SEC16B: variants seen among roughly 807,000 people sequenced by gnomAD.
SEC16B encodes the protein SEC16 homolog B, endoplasmic reticulum export factor.
Under a neutral mutation model 141.8 loss-of-function variants are expected in SEC16B, and 115 were observed. That is an observed-to-expected ratio of 0.81 (90% CI 0.70 to 0.95). The LOEUF (loss-of-function observed/expected upper bound fraction) is 0.95. Ranked by LOEUF, SEC16B falls within the 40% of genes least tolerant of loss-of-function variation. SEC16B has a pLI of 0.00. For synonymous variants in SEC16B, 493 were observed against 492.5 expected, an observed-to-expected ratio of 1.00 and a Z score of -0.01; for missense variants, 1,291 against 1,312.3, an observed-to-expected ratio of 0.98 and a Z score of 0.25.
rs1353655354 is a variant in SEC16B at position 177,951,936 on chromosome 1, C to T, written c.1523G>A (p.Gly508Glu). 1 of 1,606,232 alleles carries T rather than the reference C, an allele frequency of 6.2e-7. No homozygotes were observed. The highest frequency in any genetic ancestry group is 8.5e-7 in the Non-Finnish European group (1 of 1,176,768). ...PLQTLFQLMS[G>E]RIPQAATCCG... ...TACCGTGGCTGCCTGTGGAATCCTCCCCGACATGAGCTGGAAGAGGGTCTG... is the reference window on the plus strand; with the variant it reads ...TACCGTGGCTGCCTGTGGAATCCTCTCCGACATGAGCTGGAAGAGGGTCTG... The change falls in exon 12 of 26, where the codon GGG becomes GAG. Residue 508 changes from glycine to glutamate, a missense_variant. By Grantham distance (98) the Gly-to-Glu change is moderately conservative. Coordinates refer to ENST00000308284, the MANE Select transcript of SEC16B (RefSeq NM_033127.4).
At position 177,933,632 on chromosome 1, in the gene SEC16B, G is replaced by A; in HGVS notation, c.2576C>T (p.Pro859Leu). The A allele has an allele frequency of 6.2e-7, 1 of 1,613,852 alleles. No homozygotes were observed. Among genetic ancestry groups the A allele is most frequent in the Non-Finnish European group, 8.5e-7 (1 of 1,179,778 alleles). The stretch of plus-strand genomic sequence containing the variant: ...AATACTTCGTGGTCTAGCAGCCAAT[G>A]GTGTCTGGAATTAAAGAAATAACTC... Reference protein sequence around the residue: ...GQEVISKPQTPLAARPRSISE... With the variant: ...GQEVISKPQTLLAARPRSISE... The change falls in exon 21 of 26, where the codon CCA (proline) becomes CTA (leucine). Residue 859 changes from proline (P) to leucine (L), a missense_variant. This residue lies in a region of SEC16B where 605 missense variants were observed against 614.1 expected (regional missense o/e 0.99). Transcript: ENST00000308284.
upstream of SEC16B, among the ~76,000 whole-genome samples, chr1:177,974,117 T>C (rs1196409440): frequency 1.4e-5 from 2 of 138,182 alleles, no homozygotes; most frequent in African/African-American, 5.9e-5. Flanking sequence ...GGAGATGAAA[T>C]GCTACCTTTT....
chr1:177,965,769 C>T (rs1653466857), intron 3 of SEC16B, 124 bp downstream of exon 3: 5 of 604,784 alleles, frequency 8.3e-6, no homozygotes, highest in East Asian at 2.8e-5. Context: ...GCTATGGTCT[C>T]GTCTGGCCAA....
rs756650216 is a variant in SEC16B at position 177,965,109 on chromosome 1, A to G, written c.471T>C (p.Leu157=). The G allele has an allele frequency of 4.3e-6, 7 of 1,613,660 alleles. No homozygotes were observed. The East Asian group carries it at 8.9e-5, about 21-fold the overall frequency. ...GCTGGTTTTCATAATGATGTTCATC[A>G]AGGTACTTTTGCTCTCGGTAATCTT... is the stretch of plus-strand genomic sequence containing the variant. The part of the protein sequence containing the change: ...WHEDYREQKY[L]DEHHYENQHS... Residue 157 remains leucine (L), a synonymous_variant, in exon 4 of 26, where the codon CTT becomes CTC. Coordinates refer to ENST00000308284, the MANE Select transcript of SEC16B (RefSeq NM_033127.4).
chr1:177,955,695 G>A (rs190902556), intron 10 of SEC16B, among the ~76,000 whole-genome samples: 49 of 152,212 alleles, frequency 3.2e-4, no homozygotes, highest in African/African-American at 1.1e-3. Context: ...ACACTGTGGT[G>A]AGAATGTATG....
chr1:177,952,011 T>C lies in SEC16B; in HGVS notation c.1464-16A>G, dbSNP rs1652231431. 7.6e-6 allele frequency: 12 copies of C among 1,586,776 alleles called. No homozygotes were observed. Among genetic ancestry groups the C allele is most frequent in the Non-Finnish European group, 1.0e-5 (12 of 1,166,514 alleles). The stretch of plus-strand genomic sequence containing the variant: ...GCTGGTGAAGCTGCGGAGAGAAGGA[T>C]AGTCAGCGAGGACCAAGCCCAGGGA... On this transcript the variant is annotated splice_polypyrimidine_tract_variant and intron_variant, in intron 11 of 25. Transcript: ENST00000308284.
chr1:177,958,525 C>T, intron 9 of SEC16B, 163 bp from the exon 10 acceptor site: 1 of 607,272 alleles, frequency 1.6e-6, no homozygotes, highest in South Asian at 2.5e-5. Flanking sequence ...CAGACTTCAG[C>T]ATCACTATCA....
chr1:177,966,751 T>C (rs1458646341), intron 2 of SEC16B, among the ~76,000 whole-genome samples: 1 of 152,058 alleles, frequency 6.6e-6, no homozygotes, highest in African/African-American at 2.4e-5. Context: ...TGTTTTGTAT[T>C]TTTAGTAGAG....
intron 12 of SEC16B, chr1:177,948,625 C>T (rs1392881790): frequency 7.7e-7 from 1 of 1,300,840 alleles, no homozygotes; most frequent in Non-Finnish European, 1.0e-6. Context: ...CACAATCTCT[C>T]CCTAAGGCTG....
In SEC16B at chr1:177,928,848, T is replaced by C. The variant is rs1207793200; in HGVS notation, c.*1010A>G. The stretch of plus-strand genomic sequence containing the variant: ...ATATCAGAACTATAGAACATTAACG[T>C]ACTAAACCTGTATTTACAATTACAT... On this transcript the variant is annotated 3_prime_UTR_variant, in exon 26 of 26. Coordinates refer to ENST00000308284, the MANE Select transcript of SEC16B (RefSeq NM_033127.4). The C allele has an allele frequency of 6.6e-6, 1 of 152,206 alleles. No individual in the cohort carries two copies. Among genetic ancestry groups the C allele is most frequent in the African/African-American group, 2.4e-5 (1 of 41,442 alleles). 9.4% of individuals were successfully genotyped at this position (152,206 alleles called of 1,614,324 possible). A position where few individuals can be genotyped will look rare whatever the true frequency, so the allele number is the denominator to read the frequency against.
chr1:177,960,057 C>T lies in SEC16B; in HGVS notation c.998+285G>A, dbSNP rs1652934505. The T allele has an allele frequency of 3.4e-5, 14 of 412,206 alleles. No homozygotes were observed. The South Asian group carries it at 4.1e-4, about 12-fold the overall frequency. The allele number at this position is 412,206 out of a possible 1,614,324, so 25.5% of individuals were successfully genotyped here. On this transcript the variant is annotated intron_variant, in intron 8 of 25. Transcript: ENST00000308284. ...TTTCTACTAACATCTATCAAGCACACGGAATGCTAAAACTTCCAACCATGC... is the reference window on the plus strand; with the variant it reads ...TTTCTACTAACATCTATCAAGCACATGGAATGCTAAAACTTCCAACCATGC...
intron 15 of SEC16B, among the ~76,000 whole-genome samples, chr1:177,943,072 G>A (rs4652279): frequency 0.11 from 16,127 of 152,146 alleles, 1,211 homozygotes; most frequent in East Asian, 0.34. Flanking sequence ...CACAGGATTC[G>A]AAACAATACA....
chr1:177,980,921 G>A (rs1654384153), intron 1 of SEC16B, among the ~76,000 whole-genome samples: 1 of 152,060 alleles, frequency 6.6e-6, no homozygotes, highest in Non-Finnish European at 1.5e-5. Flanking sequence ...GGCGAAGGAA[G>A]ACCTGGTACA....
At position 177,946,412 on chromosome 1, in the gene SEC16B, T is replaced by A. The variant is rs1402872568; in HGVS notation, c.1775+8A>T. 1 of 1,548,450 alleles carries A rather than the reference T, an allele frequency of 6.5e-7. No individual in the cohort carries two copies. The highest frequency in any genetic ancestry group is 1.9e-5 in the Admixed American group (1 of 51,768). On this transcript the variant is annotated splice_region_variant and intron_variant, in intron 14 of 25. Coordinates refer to ENST00000308284, the MANE Select transcript of SEC16B (RefSeq NM_033127.4). ...TCCTTACTGTTTCCTTTCTCCCAGG[T>A]CGCATACCTGTGGCTGCTGCCCAGC...
Position 177,983,358 on chromosome 1 carries a change from G to A in SEC16B, c.-59+848C>T, listed in dbSNP as rs185522563. ...TCCTGCTGGGCAGCAGACTCCTCAGGGGCAGTGACCCACCTCTTCCATCTT... is the reference window on the plus strand; with the variant it reads ...TCCTGCTGGGCAGCAGACTCCTCAGAGGCAGTGACCCACCTCTTCCATCTT... On this transcript the variant is annotated intron_variant and NMD_transcript_variant, in intron 1 of 24. Transcript: ENST00000528461. Among the ~76,000 whole-genome samples the A allele has an allele frequency of 3.4e-4, 51 of 152,140 alleles. No individual in the cohort carries two copies. The East Asian group carries it at 7.3e-3, about 22-fold the overall frequency.
chr1:177,956,921 T>A (rs1341910121), intron 10 of SEC16B, among the ~76,000 whole-genome samples: 3 of 152,168 alleles, frequency 2.0e-5, no homozygotes, highest in African/African-American at 7.2e-5. Context: ...CTAGGCTAAG[T>A]TATGATGTCG....
intron 18 of SEC16B, 85 bp downstream of exon 18, chr1:177,939,617 C>T (rs1001441455): frequency 4.9e-5 from 58 of 1,179,022 alleles, no homozygotes; most frequent in Admixed American, 1.0e-4. Flanking sequence ...AAGCAAAGGG[C>T]GAGTGCTTTC....
intron 1 of SEC16B, among the ~76,000 whole-genome samples, chr1:177,978,423 CTAGCAGGGCATGATGGCTCATGCCTG>C: frequency 6.6e-6 from 1 of 152,190 alleles, no homozygotes; most frequent in Admixed American, 6.5e-5. Context: ...AGCACTATTT[CTAGCAGGGCATGATGGCTCATGCCTG>C]TAATCCCAGG....
At chr1:177,961,207 G>A (rs1463858409) in intron 6 of SEC16B, 2 of 467,578 alleles carry the variant, frequency 4.3e-6, no homozygotes, top group East Asian at 8.0e-5. Flanking sequence ...ATGCTGAGAG[G>A]CCAAGGAGTC....
Sources: gnomAD v4.1 joint callset for allele counts (sites outside exome capture counted in the v4.1 genomes callset) on GRCh38, gnomAD v4.1.1 for gene constraint, gnomAD v4.1.1 regional missense constraint, MANE v1.5 for transcripts, NCBI Gene and HGNC (gene_info 2026-07-23, HGNC 2026-07-21) for gene names.